SDK1: variants seen among roughly 807,000 people sequenced by gnomAD.
The protein encoded by SDK1 is sidekick cell adhesion molecule 1, also known as protein sidekick-1.
In SDK1, 157 loss-of-function variants were observed where a neutral mutation model predicts 245.5. That is an observed-to-expected ratio of 0.64 (90% CI 0.56 to 0.73). The LOEUF is 0.73. Ranked by LOEUF, SDK1 falls within the 30% of genes least tolerant of loss-of-function variation. The probability of loss-of-function intolerance (pLI) is 0.00; values close to 1 mark genes in which losing one functional copy is unlikely to be tolerated. For missense variants in SDK1, 3,583 were observed against 3,002.3 expected (o/e 1.19, Z -4.52); for synonymous variants, 1,647 against 1,278.5 (o/e 1.29, Z -6.15).
chr7:4,168,465 C>T (rs1020394192), intron 32 of SDK1, among the ~76,000 whole-genome samples: 1 of 152,262 alleles, frequency 6.6e-6, no homozygotes, highest in Non-Finnish European at 1.5e-5. Context: ...CCTTCCCCTC[C>T]ATCTTCCAGC....
At chr7:4,177,242 A>T (rs1473751673) in intron 34 of SDK1, among the ~76,000 whole-genome samples, 1 of 152,102 alleles carries the variant, frequency 6.6e-6, no homozygotes, top group African/African-American at 2.4e-5. Flanking sequence ...AGGAGGCACA[A>T]TTTGCAGGCC....
chr7:3,472,365 T>G (rs1781211002), intron 1 of SDK1, among the ~76,000 whole-genome samples: 2 of 151,700 alleles, frequency 1.3e-5, no homozygotes, highest in African/African-American at 4.9e-5. Flanking sequence ...AGTATGCTAT[T>G]AGGTGCTGTG....
At chr7:3,834,082 C>T (rs887514013) in intron 5 of SDK1, among the ~76,000 whole-genome samples, 1 of 152,174 alleles carries the variant, frequency 6.6e-6, no homozygotes, top group African/African-American at 2.4e-5. Flanking sequence ...TGGCATCAGC[C>T]TACACCATTT....
At chr7:4,082,316 A>T (rs2128179738) in intron 22 of SDK1, among the ~76,000 whole-genome samples, 1 of 152,250 alleles carries the variant, frequency 6.6e-6, no homozygotes, top group East Asian at 1.9e-4. Context: ...CAGGCGGATC[A>T]CTTGAGGTTG....
chr7:3,760,296 C>T (rs770889195), intron 4 of SDK1, among the ~76,000 whole-genome samples: 1 of 152,198 alleles, frequency 6.6e-6, no homozygotes, highest in East Asian at 1.9e-4. Context: ...ACCACAGTTA[C>T]AAAGCTGGGT....
In SDK1 at chr7:3,566,273, G is replaced by GGAGT. The variant is rs1466449143; in HGVS notation, c.299-52805_299-52802dup. ...GGAGTCTCGCTCTGTCGCCCAGGCT[G>GGAGT]GAGTGCAGTGGCGCGATCTTGGCTC... On this transcript the variant is annotated intron_variant, in intron 1 of 44. Transcript: ENST00000404826. Among the ~76,000 whole-genome samples the GGAGT allele has an allele frequency of 2.1e-5, 3 of 143,974 alleles. No individual in the cohort carries two copies. The Admixed American group carries it at 2.2e-4, about 10-fold the overall frequency. 94.5% of individuals were successfully genotyped at this position (143,974 alleles called of 152,430 possible). A position where few individuals can be genotyped will look rare whatever the true frequency, so the allele number is the denominator to read the frequency against.
intron 1 of SDK1, among the ~76,000 whole-genome samples, chr7:3,546,006 A>G (rs1023250338): frequency 5.3e-5 from 8 of 152,206 alleles, no homozygotes; most frequent in African/African-American, 1.9e-4. Flanking sequence ...TGTCTTCATT[A>G]TTTTATTATT....
chr7:3,907,988 G>A (rs147296027), intron 5 of SDK1, among the ~76,000 whole-genome samples: 1 of 152,246 alleles, frequency 6.6e-6, no homozygotes, highest in African/African-American at 2.4e-5. Flanking sequence ...TTGGGGCTTG[G>A]GGGTGATACT....
intron 1 of SDK1, among the ~76,000 whole-genome samples, chr7:3,501,611 A>G (rs567282838): frequency 2.0e-5 from 3 of 152,154 alleles, no homozygotes; most frequent in Non-Finnish European, 4.4e-5. Flanking sequence ...GTTATAGAGT[A>G]TTTGTTTTTC....
intron 1 of SDK1, among the ~76,000 whole-genome samples, chr7:3,417,912 G>C (rs1779418282): frequency 6.6e-6 from 1 of 152,116 alleles, no homozygotes; most frequent in Non-Finnish European, 1.5e-5. Context: ...GGACGGAAGT[G>C]AGTTTGCAAA....
At chr7:3,466,678 C>G (rs186459289) in intron 1 of SDK1, among the ~76,000 whole-genome samples, 1 of 151,530 alleles carries the variant, frequency 6.6e-6, no homozygotes, top group African/African-American at 2.4e-5. Flanking sequence ...TAATAACTGG[C>G]TCCCTTCTTT....
At chr7:4,022,064 A>AAGTACT (rs1786938737) in intron 17 of SDK1, among the ~76,000 whole-genome samples, 2 of 152,214 alleles carry the variant, frequency 1.3e-5, no homozygotes, top group African/African-American at 4.8e-5. Flanking sequence ...AAGTACCCCC[A>AAGTACT]GCTATTAGCA....
chr7:3,800,613 G>A (rs945006291), intron 4 of SDK1, among the ~76,000 whole-genome samples: 12 of 151,944 alleles, frequency 7.9e-5, no homozygotes, highest in African/African-American at 9.7e-5. Flanking sequence ...CTCATGATCC[G>A]CCCGCCTCAG....
At chr7:3,501,110 C>G (rs1430002818) in intron 1 of SDK1, among the ~76,000 whole-genome samples, 1 of 152,144 alleles carries the variant, frequency 6.6e-6, no homozygotes, top group African/African-American at 2.4e-5. Flanking sequence ...AAGTGGCAGA[C>G]TAAAACATTG....
At chr7:4,061,442 A>C (rs1779532343) in intron 19 of SDK1, among the ~76,000 whole-genome samples, 1 of 152,150 alleles carries the variant, frequency 6.6e-6, no homozygotes, top group Admixed American at 6.5e-5. Flanking sequence ...ATACCATCTC[A>C]CACCAGTTAG....
intron 13 of SDK1, 141 bp from the exon 14 acceptor site, chr7:3,987,045 T>C: frequency 1.3e-6 from 1 of 764,762 alleles, no homozygotes; most frequent in Non-Finnish European, 2.1e-6. Context: ...GGAAGAGAGT[T>C]AATATTTGTG....
intron 1 of SDK1, among the ~76,000 whole-genome samples, chr7:3,523,722 T>C (rs1009876305): frequency 1.3e-5 from 2 of 152,100 alleles, no homozygotes; most frequent in African/African-American, 4.8e-5. Context: ...CTTGTAACTG[T>C]CAGAAATCAG....
chr7:3,655,451 A>ATATATG (rs1783138139), intron 4 of SDK1, among the ~76,000 whole-genome samples: 1 of 4,366 alleles, frequency 2.3e-4, no homozygotes, highest in African/African-American at 7.8e-4. Flanking sequence ...CAAAACAAAT[A>ATATATG]TATATATATA....
intron 1 of SDK1, among the ~76,000 whole-genome samples, chr7:3,562,672 T>G (rs1193276543): frequency 6.6e-6 from 1 of 152,188 alleles, no homozygotes; most frequent in African/African-American, 2.4e-5. Flanking sequence ...AACATAAACT[T>G]ACCATTTTTA....
Sources: gnomAD v4.1 joint callset for allele counts (sites outside exome capture counted in the v4.1 genomes callset) on GRCh38, gnomAD v4.1.1 for gene constraint, MANE v1.5 for transcripts, NCBI Gene and HGNC (gene_info 2026-07-23, HGNC 2026-07-21) for gene names.